RPN1: variants seen among roughly 807,000 people sequenced by gnomAD.
RPN1 encodes ribophorin I, also known as dolichyl-diphosphooligosaccharide--protein glycosyltransferase subunit 1.
A neutral mutation model predicts 55.5 loss-of-function variants in RPN1; 12 were observed. The ratio of observed to expected loss-of-function variants is 0.22; its 90% CI spans 0.14 to 0.35. The LOEUF (loss-of-function observed/expected upper bound fraction) is 0.35. Ranked by LOEUF, RPN1 falls within the 10% of genes least tolerant of loss-of-function variation. RPN1 has a pLI of 1.00. For synonymous variants in RPN1, 317 were observed against 305.9 expected, an observed-to-expected ratio of 1.04 and a Z score of -0.38; for missense variants, 679 against 761.3, an observed-to-expected ratio of 0.89 and a Z score of 1.27.
chr3:128,648,328 G>A (rs895423546), intron 1 of RPN1, among the ~76,000 whole-genome samples: 1 of 152,124 alleles, frequency 6.6e-6, no homozygotes, highest in East Asian at 1.9e-4. Flanking sequence ...CTGGGAGGCA[G>A]AGGTTGCAGT....
intron 2 of RPN1, among the ~76,000 whole-genome samples, chr3:128,643,617 G>A (rs897912305): frequency 6.6e-6 from 1 of 152,048 alleles, no homozygotes; most frequent in Non-Finnish European, 1.5e-5. Flanking sequence ...CCAATATGGT[G>A]AAACCCCATC....
intron 2 of RPN1, among the ~76,000 whole-genome samples, chr3:128,639,385 C>T (rs1010528112): frequency 1.4e-5 from 2 of 142,542 alleles, no homozygotes; most frequent in Non-Finnish European, 3.0e-5. Context: ...ACCCGGAAGG[C>T]GGAGCTTGCA....
At chr3:128,631,298 A>G (rs1419772560) in intron 4 of RPN1, among the ~76,000 whole-genome samples, 1 of 150,718 alleles carries the variant, frequency 6.6e-6, no homozygotes, top group Non-Finnish European at 1.5e-5. Context: ...ACATGGAGAA[A>G]CCCTGTCTCT....
intron 2 of RPN1, 114 bp downstream of exon 2, chr3:128,644,805 A>C (rs1038770532): frequency 1.1e-4 from 76 of 686,152 alleles, no homozygotes; most frequent in Non-Finnish European, 1.8e-4. Context: ...CAAAAAAAAA[A>C]CCCTGTAATA....
In RPN1 at chr3:128,625,632, C is replaced by G. The variant is rs768893500; in HGVS notation, c.1297G>C (p.Val433Leu). Residue 433 changes from valine (V) to leucine (L), a missense_variant, in exon 8 of 10, where the codon GTG becomes CTG. Val to Leu is a conservative substitution (Grantham distance 32, BLOSUM62 1). Coordinates refer to ENST00000296255, the MANE Select transcript of RPN1 (RefSeq NM_002950.4). ...DIVVHYTFNK[V>L]LMLQEPLLVV... ...AGCAGGGGCTCCTGCAGCATGAGCA[C>G]CTTGTTGAACGTGTAGTGGACCTGG... 2 of 1,614,048 alleles carry G rather than the reference C, an allele frequency of 1.2e-6. No homozygotes were observed. The highest frequency in any genetic ancestry group is 1.7e-6 in the Non-Finnish European group (2 of 1,180,022).
At chr3:128,646,541 GC>G (rs2069769960) in intron 1 of RPN1, among the ~76,000 whole-genome samples, 1 of 151,944 alleles carries the variant, frequency 6.6e-6, no homozygotes, top group Non-Finnish European at 1.5e-5. Context: ...ACAACAATTA[GC>G]TGGGCGTGGT....
chr3:128,624,434 C>T (rs997385304), intron 8 of RPN1, among the ~76,000 whole-genome samples: 4 of 151,204 alleles, frequency 2.6e-5, no homozygotes, highest in African/African-American at 2.4e-5. Context: ...AAGCTGAGAG[C>T]GCACCACTGC....
intron 9 of RPN1, among the ~76,000 whole-genome samples, 171 bp from the exon 10 acceptor site, chr3:128,620,764 C>T (rs942266252): frequency 2.0e-5 from 3 of 152,228 alleles, no homozygotes; most frequent in Non-Finnish European, 2.9e-5. Flanking sequence ...GGAAGATAGG[C>T]CTGGCTTCAA....
At chr3:128,646,688 TAAAA>T (rs1214102863) in intron 1 of RPN1, among the ~76,000 whole-genome samples, 1 of 122,764 alleles carries the variant, frequency 8.1e-6, no homozygotes, top group Admixed American at 8.2e-5. Context: ...CTCCATCTCA[TAAAA>T]AAAAAAGTTG....
chr3:128,639,331 G>A (rs2069707472), intron 2 of RPN1, among the ~76,000 whole-genome samples: 1 of 151,650 alleles, frequency 6.6e-6, no homozygotes, highest in Admixed American at 6.6e-5. Context: ...GCGGGCACCT[G>A]TAGTCCCAGC....
rs1201857324 is a variant in RPN1, at chr3:128,650,572, G to A, written c.229C>T (p.Leu77Phe). 1 of 1,546,730 alleles carries A rather than the reference G, an allele frequency of 6.5e-7. No homozygotes were observed. The highest frequency in any genetic ancestry group is 1.4e-5 in the African/African-American group (1 of 73,126). Residue 77 changes from leucine to phenylalanine, a missense_variant, in exon 1 of 10, where the codon CTC becomes TTC. By Grantham distance (22) the Leu-to-Phe change is conservative. Coordinates refer to ENST00000296255, the MANE Select transcript of RPN1 (RefSeq NM_002950.4). ...TSFLLALEPE[L>F]EARLAHLGVQ... The stretch of plus-strand genomic sequence containing the variant: ...CCCAGGTGCGCCAGCCGGGCCTCGA[G>A]CTCAGGCTCCAAAGCCAGCAGGAAA...
chr3:128,631,927 T>A (rs775887756), intron 4 of RPN1, 21 bp downstream of exon 4: 1 of 1,612,946 alleles, frequency 6.2e-7, no homozygotes, highest in South Asian at 1.1e-5. Context: ...TCTCACAATG[T>A]CCAAGTTGAA....
chr3:128,622,896 C>CAA (rs781683983), intron 8 of RPN1, among the ~76,000 whole-genome samples: 4 of 98,042 alleles, frequency 4.1e-5, no homozygotes, highest in Non-Finnish European at 4.3e-5. Context: ...AACTCCATCT[C>CAA]AAAAAAAAAA....
intron 1 of RPN1, 55 bp downstream of exon 1, chr3:128,650,485 G>A: frequency 1.4e-6 from 2 of 1,478,618 alleles, no homozygotes; most frequent in Non-Finnish European, 1.8e-6. Flanking sequence ...GGGACCGCCA[G>A]GAAGGGAGGC....
chr3:128,624,818 G>A (rs2069587268), intron 8 of RPN1, among the ~76,000 whole-genome samples: 1 of 151,974 alleles, frequency 6.6e-6, no homozygotes, highest in Admixed American at 6.6e-5. Context: ...CATGGCAACA[G>A]AGCGAGACTC....
chr3:128,646,881 G>A (rs1161128353), intron 1 of RPN1, among the ~76,000 whole-genome samples: 5 of 151,582 alleles, frequency 3.3e-5, no homozygotes, highest in Non-Finnish European at 5.9e-5. Flanking sequence ...GCTGAGGCAG[G>A]AGAATCACTT....
intron 2 of RPN1, chr3:128,644,459 C>T (rs2069751496): frequency 6.7e-6 from 2 of 299,464 alleles, no homozygotes; most frequent in Admixed American, 9.5e-5. Flanking sequence ...GCCTGGGTGA[C>T]ATGGCAAAAC....
At chr3:128,649,320 T>C (rs1470448306) in intron 1 of RPN1, among the ~76,000 whole-genome samples, 2 of 152,234 alleles carry the variant, frequency 1.3e-5, no homozygotes. Flanking sequence ...GTGGTCCACT[T>C]ATACTGTAAC....
intron 8 of RPN1, among the ~76,000 whole-genome samples, chr3:128,625,251 A>G (rs188291473): frequency 3.9e-5 from 6 of 152,224 alleles, no homozygotes; most frequent in Admixed American, 6.5e-5. Flanking sequence ...CAAGAAGCAA[A>G]ACAGCTAAAT....
Sources: allele counts gnomAD v4.1 joint callset (sites outside exome capture counted in the v4.1 genomes callset), GRCh38; gene constraint gnomAD v4.1.1; transcripts MANE v1.5; gene names NCBI Gene and HGNC (gene_info 2026-07-23, HGNC 2026-07-21).